Variants in PPP4R4 observed in about 807,000 individuals in gnomAD.
The protein encoded by PPP4R4 is serine/threonine-protein phosphatase 4 regulatory subunit 4.
Under a neutral mutation model 121.8 loss-of-function variants are expected in PPP4R4, and 70 were observed. The ratio of observed to expected loss-of-function variants is 0.57; its 90% CI spans 0.47 to 0.70. PPP4R4 has a LOEUF of 0.70. PPP4R4 is among the 30% of genes least tolerant of loss of function. The pLI, the probability that PPP4R4 is intolerant of heterozygous loss-of-function variation, is 0.00. For missense variants in PPP4R4, 875 were observed against 1,033.6 expected, an observed-to-expected ratio of 0.85 and a Z score of 2.10; for synonymous variants, 348 against 355.7, an observed-to-expected ratio of 0.98 and a Z score of 0.24.
At chr14:94,221,368 T>G (rs1891379152) in intron 3 of PPP4R4, among the ~76,000 whole-genome samples, 1 of 152,058 alleles carries the variant, frequency 6.6e-6, no homozygotes. Context: ...ATTTGATAAA[T>G]TAGATCTGTT....
intron 1 of PPP4R4, among the ~76,000 whole-genome samples, chr14:94,175,032 T>C (rs1159163584): frequency 9.7e-6 from 1 of 103,148 alleles, no homozygotes; most frequent in Non-Finnish European, 1.9e-5. Context: ...CCCGGTCCTC[T>C]CCTGGGCTCC....
At chr14:94,239,079 T>C (rs1220380097) in intron 8 of PPP4R4, among the ~76,000 whole-genome samples, 1 of 152,108 alleles carries the variant, frequency 6.6e-6, no homozygotes, top group Non-Finnish European at 1.5e-5. Flanking sequence ...TGTCTGATGC[T>C]CCAGTCCCAC....
At chr14:94,203,684 T>G (rs1347587749) in intron 2 of PPP4R4, among the ~76,000 whole-genome samples, 1 of 152,142 alleles carries the variant, frequency 6.6e-6, no homozygotes, top group Admixed American at 6.6e-5. Flanking sequence ...CAGCAATGAG[T>G]CATCCAGTTT....
chr14:94,190,872 C>CTT (rs11414150), intron 2 of PPP4R4, among the ~76,000 whole-genome samples: 65,612 of 145,528 alleles, frequency 0.45, 17,149 homozygotes, highest in Non-Finnish European at 0.61. Context: ...TGATTTCCAA[C>CTT]TTTTTTTTTT....
chr14:94,238,592 A>G (rs912093039), intron 8 of PPP4R4, among the ~76,000 whole-genome samples: 1 of 152,212 alleles, frequency 6.6e-6, no homozygotes, highest in African/African-American at 2.4e-5. Context: ...CATGTCACAA[A>G]GACAGTTAAC....
chr14:94,274,347 G>T (rs1017096401), intron 23 of PPP4R4, among the ~76,000 whole-genome samples: 9 of 151,528 alleles, frequency 5.9e-5, no homozygotes, highest in Admixed American at 5.9e-4. Context: ...AAAATAAAAG[G>T]CAAGGCATAG....
At chr14:94,235,469 G>A (rs75329160) in intron 7 of PPP4R4, among the ~76,000 whole-genome samples, 1 of 141,642 alleles carries the variant, frequency 7.1e-6, no homozygotes, top group Non-Finnish European at 1.5e-5. Flanking sequence ...GCGCGATCTC[G>A]GCTCACTGCA....
chr14:94,268,775 C>T (rs1894169293), intron 23 of PPP4R4, among the ~76,000 whole-genome samples: 1 of 152,084 alleles, frequency 6.6e-6, no homozygotes, highest in East Asian at 1.9e-4. Context: ...GAGACTTATT[C>T]ACTATCACGA....
chr14:94,234,299 C>T (rs944797984), intron 6 of PPP4R4, among the ~76,000 whole-genome samples: 1 of 152,142 alleles, frequency 6.6e-6, no homozygotes, highest in Admixed American at 6.6e-5. Context: ...ACTGCTACAG[C>T]CTTTTATCTT....
chr14:94,226,309 A>T (rs1472685288), intron 3 of PPP4R4, among the ~76,000 whole-genome samples: 1 of 152,156 alleles, frequency 6.6e-6, no homozygotes, highest in Non-Finnish European at 1.5e-5. Flanking sequence ...GTTCTTAAGG[A>T]TATTTTTATG....
intron 23 of PPP4R4, among the ~76,000 whole-genome samples, chr14:94,270,480 A>T (rs968698138): frequency 3.3e-5 from 5 of 152,268 alleles, no homozygotes; most frequent in African/African-American, 1.2e-4. Context: ...TTTGATTTCA[A>T]CAATTACTAT....
intron 17 of PPP4R4, among the ~76,000 whole-genome samples, chr14:94,257,365 T>G (rs992152121): frequency 5.3e-5 from 8 of 152,060 alleles, no homozygotes; most frequent in African/African-American, 1.9e-4. Context: ...GAATATAAAC[T>G]TCAGGACACA....
At chr14:94,206,578 G>A (rs1266687156) in intron 2 of PPP4R4, among the ~76,000 whole-genome samples, 1 of 151,650 alleles carries the variant, frequency 6.6e-6, no homozygotes, top group Non-Finnish European at 1.5e-5. Context: ...CCTCCATGAG[G>A]TATTAGAGAT....
chr14:94,258,414 A>G (rs8014921), intron 17 of PPP4R4, among the ~76,000 whole-genome samples: 19,307 of 152,248 alleles, frequency 0.13, 1,364 homozygotes, highest in Admixed American at 0.21. Flanking sequence ...TGTCTCATTC[A>G]TATATAGCTA....
chr14:94,227,708 T>C (rs1237891823), intron 3 of PPP4R4: 5 of 1,016,356 alleles, frequency 4.9e-6, no homozygotes, highest in Non-Finnish European at 4.7e-6. Context: ...TTAATGACTT[T>C]AAGAGGGGGC....
intron 1 of PPP4R4, 158 bp from the exon 2 acceptor site, chr14:94,175,896 G>A (rs1323898413): frequency 8.0e-6 from 5 of 627,792 alleles, no homozygotes; most frequent in Non-Finnish European, 1.4e-5. Context: ...CGTGATTGAT[G>A]TCGCCTGGTA....
At chr14:94,278,233 T>C (rs533692805) in intron 24 of PPP4R4, among the ~76,000 whole-genome samples, 3 of 152,360 alleles carry the variant, frequency 2.0e-5, no homozygotes, top group Admixed American at 2.0e-4. Flanking sequence ...TTAGGAATAT[T>C]AGTGTCTTAA....
chr14:94,224,787 A>C (rs953903070), intron 3 of PPP4R4, among the ~76,000 whole-genome samples: 2 of 152,170 alleles, frequency 1.3e-5, no homozygotes, highest in Non-Finnish European at 2.9e-5. Context: ...ATTTATACAG[A>C]TTACATTTAA....
intron 3 of PPP4R4, among the ~76,000 whole-genome samples, chr14:94,220,303 T>C (rs1891313362): frequency 6.6e-6 from 1 of 152,174 alleles, no homozygotes; most frequent in Non-Finnish European, 1.5e-5. Flanking sequence ...AACCTACATG[T>C]TCAGTTAAAG....
Sources: gnomAD v4.1 joint callset for allele counts (sites outside exome capture counted in the v4.1 genomes callset) on GRCh38, gnomAD v4.1.1 for gene constraint, MANE v1.5 for transcripts, NCBI Gene and HGNC (gene_info 2026-07-23, HGNC 2026-07-21) for gene names.